Variants in SLIT1 observed in about 807,000 individuals in gnomAD.
SLIT1 encodes slit homolog 1 protein.
Under a neutral mutation model 186.1 loss-of-function variants are expected in SLIT1, and 66 were observed. The observed-to-expected ratio is 0.35, with a 90% CI of 0.29 to 0.44. The LOEUF is 0.44. Ranked by LOEUF, SLIT1 falls within the 20% of genes least tolerant of loss-of-function variation. SLIT1 has a pLI of 1.00. For missense variants in SLIT1, 1,638 were observed against 2,037.4 expected, an observed-to-expected ratio of 0.80 and a Z score of 3.77; for synonymous variants, 761 against 833.8, an observed-to-expected ratio of 0.91 and a Z score of 1.50.
In SLIT1 at chr10:97,128,065, G is replaced by A. The variant is rs144817571; in HGVS notation, c.413+29753C>T. Reference sequence around the variant, plus strand: ...AGGGTCAGGGAACAAATGCACCACCGAGCCCCCTGCTCTCGGGCCTTGCAT... The same window carrying A: ...AGGGTCAGGGAACAAATGCACCACCAAGCCCCCTGCTCTCGGGCCTTGCAT... On this transcript the variant is annotated intron_variant, in intron 4 of 36. Transcript: ENST00000266058. Among the ~76,000 whole-genome samples, 543 of 152,070 alleles carry A rather than the reference G, an allele frequency of 3.6e-3. 2 individuals carry two copies. The highest frequency in any genetic ancestry group is 0.013 in the African/African-American group (520 of 41,486).
At position 97,061,759 on chromosome 10, in the gene SLIT1, G is replaced by GA. The variant is rs1244066571; in HGVS notation, c.794-973dup. Among the ~76,000 whole-genome samples the GA allele has an allele frequency of 2.4e-4, 36 of 152,294 alleles. 1 individual carries two copies. In the South Asian group the frequency reaches 4.3e-3, roughly 18 times the overall value. ...TTTAATATTTTTGGACATTTTTGCA[G>GA]AAAAAATGCACACACCTAGTAGGAG... On this transcript the variant is annotated intron_variant, in intron 8 of 36. Coordinates refer to ENST00000266058, the MANE Select transcript of SLIT1 (RefSeq NM_003061.3).
chr10:97,160,288 A>G (rs1352381155), intron 3 of SLIT1, among the ~76,000 whole-genome samples: 1 of 152,232 alleles, frequency 6.6e-6, no homozygotes, highest in East Asian at 1.9e-4. Flanking sequence ...TAACTCTATA[A>G]TTTAATTACC....
intron 4 of SLIT1, among the ~76,000 whole-genome samples, chr10:97,151,030 G>C (rs1010226812): frequency 1.3e-5 from 2 of 151,936 alleles, no homozygotes; most frequent in African/African-American, 4.8e-5. Context: ...GGTCCAGCCA[G>C]TGCAGCACCT....
chr10:97,121,170 A>C (rs1429888615), intron 4 of SLIT1, among the ~76,000 whole-genome samples: 3 of 152,194 alleles, frequency 2.0e-5, no homozygotes, highest in Non-Finnish European at 4.4e-5. Flanking sequence ...TGTTAAGTTC[A>C]TTAGCTCTGC....
chr10:97,026,894 G>A (rs796999439), intron 25 of SLIT1, among the ~76,000 whole-genome samples: 6 of 152,266 alleles, frequency 3.9e-5, no homozygotes, highest in African/African-American at 1.4e-4. Flanking sequence ...AAGAAAATAG[G>A]CCTCAAGAGA....
chr10:97,050,246 C>A (rs977859201), intron 13 of SLIT1, among the ~76,000 whole-genome samples: 1 of 152,250 alleles, frequency 6.6e-6, no homozygotes, highest in Non-Finnish European at 1.5e-5. Flanking sequence ...TAAGTGCCAT[C>A]AGTTCAGGCC....
rs568318053 is a variant in SLIT1, at chr10:97,183,995, T to TCA, written c.197+1481_197+1482dup. Among the ~76,000 whole-genome samples the TCA allele has an allele frequency of 9.9e-3, 1,366 of 137,458 alleles. 23 individuals are homozygous for TCA. Among genetic ancestry groups the TCA allele is most frequent in the Middle Eastern group, 0.051 (14 of 276 alleles). 90.2% of individuals were successfully genotyped at this position (137,458 alleles called of 152,430 possible). A position where few individuals can be genotyped will look rare whatever the true frequency, so the allele number is the denominator to read the frequency against. ...CCCCAGCCCTGTAACACACAAGCAT[T>TCA]CACACACACACATACACATGCACCA... On this transcript the variant is annotated intron_variant, in intron 1 of 36. Coordinates refer to ENST00000266058, the MANE Select transcript of SLIT1 (RefSeq NM_003061.3).
At chr10:97,139,431 A>G (rs546998691) in intron 4 of SLIT1, among the ~76,000 whole-genome samples, 1 of 152,328 alleles carries the variant, frequency 6.6e-6, no homozygotes, top group East Asian at 1.9e-4. Context: ...CTGGTCACAC[A>G]CACAAAGATA....
At chr10:97,069,511 T>C (rs556491411) in intron 4 of SLIT1, among the ~76,000 whole-genome samples, 1 of 152,220 alleles carries the variant, frequency 6.6e-6, no homozygotes, top group African/African-American at 2.4e-5. Context: ...CTTTCAACAA[T>C]GGCTGGAGGA....
chr10:97,166,189 A>T (rs1850102557), intron 1 of SLIT1, among the ~76,000 whole-genome samples: 1 of 152,004 alleles, frequency 6.6e-6, no homozygotes, highest in East Asian at 1.9e-4. Context: ...CTACTTTGAG[A>T]AATAAAGTCC....
chr10:97,066,385 CGAT>C (rs1848946520), intron 4 of SLIT1, among the ~76,000 whole-genome samples: 1 of 152,204 alleles, frequency 6.6e-6, no homozygotes, highest in Non-Finnish European at 1.5e-5. Flanking sequence ...GGGGCAGCTA[CGAT>C]CAGCCCTGCC....
intron 4 of SLIT1, among the ~76,000 whole-genome samples, chr10:97,142,057 C>G (rs1331451777): frequency 6.6e-6 from 1 of 152,136 alleles, no homozygotes; most frequent in African/African-American, 2.4e-5. Flanking sequence ...CCCACGTGGG[C>G]CTCCCAAAGT....
At chr10:97,082,475 C>A (rs1320822464) in intron 4 of SLIT1, among the ~76,000 whole-genome samples, 1 of 152,126 alleles carries the variant, frequency 6.6e-6, no homozygotes, top group African/African-American at 2.4e-5. Flanking sequence ...CGCTCTGTTG[C>A]CCAGGCTGGA....
intron 4 of SLIT1, among the ~76,000 whole-genome samples, chr10:97,129,715 C>A (rs1486774595): frequency 1.3e-5 from 2 of 152,202 alleles, no homozygotes; most frequent in African/African-American, 4.8e-5. Context: ...TACTCCACAG[C>A]CCCAGCTCTG....
At chr10:97,090,637 C>T (rs778779420) in intron 4 of SLIT1, among the ~76,000 whole-genome samples, 4 of 152,084 alleles carry the variant, frequency 2.6e-5, no homozygotes, top group Non-Finnish European at 5.9e-5. Flanking sequence ...CTCTTAACAG[C>T]CTTAAGAGGT....
rs1848735940 is a variant in SLIT1, at chr10:97,046,634, C to T, written c.1853+20G>A. 1.3e-6 allele frequency: 2 copies of T among 1,592,990 alleles called. No homozygotes were observed. The highest frequency in any genetic ancestry group is 1.7e-6 in the Non-Finnish European group (2 of 1,173,258). The stretch of plus-strand genomic sequence containing the variant: ...CCTCCTGCAGCTGGCCCACCCTGCT[C>T]CCCAGCCCTGCACACTCACAGGGTC... On this transcript the variant is annotated intron_variant, in intron 18 of 36. Coordinates refer to ENST00000266058, the MANE Select transcript of SLIT1 (RefSeq NM_003061.3).
chr10:97,004,653 G>T lies in SLIT1; in HGVS notation c.3710+40C>A, dbSNP rs748376786. 6.2e-7 allele frequency: 1 copy of T among 1,612,718 alleles called. No homozygotes were observed. The highest frequency in any genetic ancestry group is 8.5e-7 in the Non-Finnish European group (1 of 1,179,186). ...CAGGAGACCTCGCCCTGGCAGTCCC[G>T]TACCCCTGAGGGCAGCTGGGGGGCA... is the stretch of plus-strand genomic sequence containing the variant. On this transcript the variant is annotated intron_variant, in intron 33 of 36. Coordinates refer to ENST00000266058, the MANE Select transcript of SLIT1 (RefSeq NM_003061.3). The surrounding 1 kb of genome is among the most constrained non-coding windows in gnomAD (Gnocchi z 5.1).
chr10:97,066,289 G>A (rs544779862), intron 4 of SLIT1, among the ~76,000 whole-genome samples: 14 of 152,320 alleles, frequency 9.2e-5, no homozygotes, highest in Middle Eastern at 3.4e-3. Flanking sequence ...TGGAACTGGA[G>A]AGACACACCA....
intron 4 of SLIT1, among the ~76,000 whole-genome samples, chr10:97,131,513 C>T (rs754273200): frequency 2.6e-5 from 4 of 152,220 alleles, no homozygotes; most frequent in Non-Finnish European, 5.9e-5. Flanking sequence ...ACCGCATTCA[C>T]AAGCACGTAT....
Sources: gnomAD v4.1 joint callset for allele counts (sites outside exome capture counted in the v4.1 genomes callset) on GRCh38, gnomAD v4.1.1 for gene constraint, Gnocchi (gnomAD v3.1) non-coding constraint, MANE v1.5 for transcripts, NCBI Gene and HGNC (gene_info 2026-07-23, HGNC 2026-07-21) for gene names.